The following LINGO2 variants were observed in gnomAD, a reference collection of about 807,000 sequenced individuals.
The protein encoded by LINGO2 is leucine-rich repeat and immunoglobulin-like domain-containing nogo receptor-interacting protein 2.
Under a neutral mutation model 30.6 loss-of-function variants are expected in LINGO2, and 14 were observed. The ratio of observed to expected loss-of-function variants is 0.46; its 90% confidence interval spans 0.30 to 0.72. LINGO2 has a LOEUF of 0.72. LINGO2 is among the 30% of genes least tolerant of loss of function. The pLI is 0.07. For synonymous variants in LINGO2, 317 were observed against 288.5 expected, an observed-to-expected ratio of 1.10 and a Z score of -1.00; for missense variants, 729 against 751.7, an observed-to-expected ratio of 0.97 and a Z score of 0.35.
At chr9:29,177,078 A>T in the LINGO2 span, among the ~76,000 whole-genome samples, 1 of 152,250 alleles carries the variant, frequency 6.6e-6, no homozygotes. Flanking sequence ...TGAACAGAGC[A>T]TTAAAGTATA....
In LINGO2 at chr9:28,333,881, G is replaced by A. The variant is rs1309925328; in HGVS notation, c.-245-38515C>T. Among the ~76,000 whole-genome samples, 36 of 152,064 alleles carry A rather than the reference G, an allele frequency of 2.4e-4. 1 individual carries two copies. Among genetic ancestry groups the A allele is most frequent in the Admixed American group, 2.4e-3 (36 of 15,244 alleles). On this transcript the variant is annotated intron_variant, in intron 3 of 5. Transcript: ENST00000379992. ...ATTATATTCATTTGAAAAGCGCAAA[G>A]GAAATGAAAATATTGCTTACAAATG...
chr9:28,269,804 C>A (rs1220926521), intron 4 of LINGO2, among the ~76,000 whole-genome samples: 1 of 152,118 alleles, frequency 6.6e-6, no homozygotes, highest in African/African-American at 2.4e-5. Flanking sequence ...ATGTAGCCAA[C>A]AATTGCTACT....
the LINGO2 span, among the ~76,000 whole-genome samples, chr9:28,787,322 C>T: frequency 1.2e-3 from 176 of 152,158 alleles, 1 homozygote; most frequent in East Asian, 0.018. Flanking sequence ...ATATTATATT[C>T]GATAAGACAC....
At chr9:28,383,198 G>T (rs943016157) in intron 2 of LINGO2, among the ~76,000 whole-genome samples, 6 of 151,536 alleles carry the variant, frequency 4.0e-5, no homozygotes, top group African/African-American at 1.5e-4. Flanking sequence ...CACGTGGGTT[G>T]CTAGCAGCAC....
At chr9:28,617,374 C>A (rs180945103) in intron 1 of LINGO2, among the ~76,000 whole-genome samples, 1,770 of 151,846 alleles carry the variant, frequency 0.012, 21 homozygotes, top group Non-Finnish European at 0.018. Flanking sequence ...CGGATCACTG[C>A]AACTTCCGCC....
At chr9:28,896,851 T>A in the LINGO2 span, among the ~76,000 whole-genome samples, 1 of 152,132 alleles carries the variant, frequency 6.6e-6, no homozygotes, top group Admixed American at 6.6e-5. Context: ...ATATCATCTA[T>A]AGAAGTACAT....
At chr9:28,543,753 A>T (rs1821811383) in intron 1 of LINGO2, among the ~76,000 whole-genome samples, 1 of 152,120 alleles carries the variant, frequency 6.6e-6, no homozygotes, top group Admixed American at 6.6e-5. Flanking sequence ...CCTTGCTTTT[A>T]ATCAATCTAA....
the LINGO2 span, among the ~76,000 whole-genome samples, chr9:29,017,160 T>C: frequency 5.7e-4 from 60 of 105,744 alleles, no homozygotes; most frequent in African/African-American, 1.9e-3. Context: ...TTTTTGCATG[T>C]TGTTTATCAT....
chr9:27,985,032 C>T (rs78469090), intron 5 of LINGO2, among the ~76,000 whole-genome samples: 6 of 151,254 alleles, frequency 4.0e-5, no homozygotes, highest in Admixed American at 6.6e-5. Context: ...TAATTAGACA[C>T]GTTTCTCTTT....
At chr9:28,470,209 G>C (rs1417463244) in intron 2 of LINGO2, among the ~76,000 whole-genome samples, 1 of 152,132 alleles carries the variant, frequency 6.6e-6, no homozygotes, top group Non-Finnish European at 1.5e-5. Context: ...TAATCCTACA[G>C]AATTGTACAC....
chr9:28,408,162 C>G (rs1299429559), intron 2 of LINGO2, among the ~76,000 whole-genome samples: 11 of 152,126 alleles, frequency 7.2e-5, no homozygotes, highest in Non-Finnish European at 1.6e-4. Flanking sequence ...GAGTCAGTAA[C>G]TTACAAGGTA....
the LINGO2 span, among the ~76,000 whole-genome samples, chr9:28,734,035 T>C: frequency 1.3e-5 from 2 of 152,150 alleles, no homozygotes; most frequent in Admixed American, 6.5e-5. Context: ...CCATGGATAG[T>C]ACCAAACCCT....
the LINGO2 span, among the ~76,000 whole-genome samples, chr9:28,729,812 A>G: frequency 6.6e-6 from 1 of 152,040 alleles, no homozygotes; most frequent in Non-Finnish European, 1.5e-5. Flanking sequence ...CAAAAAAATC[A>G]ATTATATTAA....
chr9:28,022,518 G>T (rs945900658), intron 4 of LINGO2, among the ~76,000 whole-genome samples: 3 of 151,994 alleles, frequency 2.0e-5, no homozygotes, highest in African/African-American at 7.2e-5. Flanking sequence ...CTCAGCTTTT[G>T]CTGGTCTGAA....
chr9:28,149,017 G>A lies in LINGO2; in HGVS notation c.-86-136612C>T. 3.9e-6 allele frequency: 6 copies of A among 1,534,344 alleles called. No individual in the cohort carries two copies. The African/African-American group carries it at 5.5e-5, about 14-fold the overall frequency. On this transcript the variant is annotated intron_variant, in intron 4 of 5. Coordinates refer to ENST00000379992, the Ensembl canonical transcript of LINGO2. Reference sequence around the variant, plus strand: ...CGACCCCTCCCCTGCAACTGAGGTGGGATAGAGACGAGGGGCCCCCACCGG... The same window carrying A: ...CGACCCCTCCCCTGCAACTGAGGTGAGATAGAGACGAGGGGCCCCCACCGG...
chr9:28,362,207 T>C (rs1820473714), intron 3 of LINGO2, among the ~76,000 whole-genome samples: 1 of 103,898 alleles, frequency 9.6e-6, no homozygotes, highest in Non-Finnish European at 2.0e-5. Context: ...GTGTAAATTG[T>C]GTGTGTATGT....
intron 1 of LINGO2, among the ~76,000 whole-genome samples, chr9:28,500,834 T>C (rs1241015490): frequency 6.6e-6 from 1 of 152,246 alleles, no homozygotes; most frequent in East Asian, 1.9e-4. Flanking sequence ...AATGAGGCTG[T>C]ATTTCCAAAG....
chr9:28,737,062 ATGACAGAAG>A, the LINGO2 span, among the ~76,000 whole-genome samples: 1 of 152,208 alleles, frequency 6.6e-6, no homozygotes, highest in Non-Finnish European at 1.5e-5. Context: ...AGATCAACAG[ATGACAGAAG>A]TGACAGTGGG....
At chr9:27,949,086 G>T (rs746633622) in exon 6 of LINGO2, 1 of 1,614,154 alleles carries the variant, frequency 6.2e-7, no homozygotes, top group Admixed American at 1.7e-5. Flanking sequence ...ATTGGCATTG[G>T]TGCCATTGGA....
Sources: gnomAD v4.1 joint callset for allele counts (sites outside exome capture counted in the v4.1 genomes callset) on GRCh38, gnomAD v4.1.1 for gene constraint, MANE v1.5 for transcripts, NCBI Gene and HGNC (gene_info 2026-07-23, HGNC 2026-07-21) for gene names.